Variants in PCDHA2 observed in about 807,000 individuals in gnomAD.
The protein encoded by PCDHA2 is protocadherin alpha-2.
A neutral mutation model predicts 66.0 loss-of-function variants in PCDHA2; 58 were observed. That is an observed-to-expected ratio of 0.88 (90% confidence interval 0.71 to 1.09). The LOEUF (loss-of-function observed/expected upper bound fraction) is 1.09, where lower values mean the gene tolerates loss of function less well. PCDHA2 is among the 50% of genes least tolerant of loss of function. PCDHA2 has a pLI of 0.00. For synonymous variants in PCDHA2, 634 were observed against 554.0 expected (o/e 1.14, Z -2.03); for missense variants, 1,267 against 1,242.3 (o/e 1.02, Z -0.30).
chr5:140,971,500 TAGG>T (rs2096483491), intron 1 of PCDHA2, among the ~76,000 whole-genome samples: 2 of 152,136 alleles, frequency 1.3e-5, no homozygotes, highest in Admixed American at 1.3e-4. Flanking sequence ...TGTGGCAAGA[TAGG>T]AGCAAAAGCC....
At position 140,794,934 on chromosome 5, in the gene PCDHA2, T is replaced by C; in HGVS notation, c.-31T>C. The C allele has an allele frequency of 1.3e-6, 2 of 1,581,890 alleles. No individual in the cohort carries two copies. Among genetic ancestry groups the C allele is most frequent in the Non-Finnish European group, 1.7e-6 (2 of 1,165,702 alleles). On this transcript the variant is annotated 5_prime_UTR_variant, in exon 1 of 4. Coordinates refer to ENST00000526136, the MANE Select transcript of PCDHA2 (RefSeq NM_018905.3). Reference sequence around the variant, plus strand: ...TTTAAATTTTTGCAAAACATGCTCTTCTAATTTGATCAAAACATTGAGGAT... The same window carrying C: ...TTTAAATTTTTGCAAAACATGCTCTCCTAATTTGATCAAAACATTGAGGAT...
At chr5:140,975,935 C>A (rs1351802479) in intron 1 of PCDHA2, among the ~76,000 whole-genome samples, 1 of 152,060 alleles carries the variant, frequency 6.6e-6, no homozygotes, top group Non-Finnish European at 1.5e-5. Flanking sequence ...ACCTTTGAAG[C>A]AATAGGACAT....
rs566979917 is a variant in PCDHA2, at chr5:140,802,220, G to T, written c.2388+4868G>T. Reference sequence around the variant, plus strand: ...ACTGCACAGTTCTACTCGAAATTGTGGACATCAATGATAATGTACCTGAGT... The same window carrying T: ...ACTGCACAGTTCTACTCGAAATTGTTGACATCAATGATAATGTACCTGAGT... On this transcript the variant is annotated intron_variant, in intron 1 of 3. Coordinates refer to ENST00000526136, the MANE Select transcript of PCDHA2 (RefSeq NM_018905.3). 6 of 1,614,176 alleles carry T rather than the reference G, an allele frequency of 3.7e-6. No homozygotes were observed. In the East Asian group the frequency reaches 1.1e-4, roughly 30 times the overall value.
intron 1 of PCDHA2, chr5:140,851,253 T>C: frequency 2.8e-6 from 3 of 1,086,078 alleles, no homozygotes; most frequent in Non-Finnish European, 2.3e-6. Context: ...TGATGCATAG[T>C]ATTTTAGTCT....
chr5:140,813,178 T>G (rs1330522821), intron 1 of PCDHA2: 1 of 152,218 alleles, frequency 6.6e-6, no homozygotes, highest in Non-Finnish European at 1.5e-5. Flanking sequence ...GTTGTTCAAG[T>G]CCTCTGCTTC....
At chr5:140,807,293 T>C (rs782145999) in intron 1 of PCDHA2, 2 of 1,614,084 alleles carry the variant, frequency 1.2e-6, no homozygotes, top group African/African-American at 2.7e-5. Flanking sequence ...CTACTCGGTC[T>C]CCGAGGAGGC....
At chr5:140,966,709 G>A (rs1447935100) in intron 1 of PCDHA2, 4 of 1,387,174 alleles carry the variant, frequency 2.9e-6, no homozygotes, top group Non-Finnish European at 2.8e-6. Flanking sequence ...CGTGGGGCAC[G>A]GCTGGGGAAG....
At chr5:140,861,033 G>A (rs1443263351) in intron 1 of PCDHA2, 1 of 152,266 alleles carries the variant, frequency 6.6e-6, no homozygotes, top group Non-Finnish European at 1.5e-5. Flanking sequence ...CCGGCCGAAA[G>A]GTATTTTTTT....
chr5:140,925,061 C>T (rs968376229), intron 1 of PCDHA2, among the ~76,000 whole-genome samples: 2 of 147,510 alleles, frequency 1.4e-5, no homozygotes, highest in Non-Finnish European at 3.0e-5. Context: ...GACTGGGCAA[C>T]AAAGCAACAC....
intron 1 of PCDHA2, chr5:140,824,610 G>GTTGTTTT (rs1768193318): frequency 1.1e-5 from 1 of 95,104 alleles, no homozygotes; most frequent in African/African-American, 4.9e-5. Flanking sequence ...GCTAATTAAA[G>GTTGTTTT]TTTTTTTTTT....
chr5:140,856,074 G>A, intron 1 of PCDHA2: 1 of 1,592,254 alleles, frequency 6.3e-7, no homozygotes, highest in Non-Finnish European at 8.6e-7. Context: ...AGCTGCCTGG[G>A]GGTCCAGTGT....
intron 1 of PCDHA2, among the ~76,000 whole-genome samples, chr5:140,944,370 A>G (rs1554216325): frequency 6.6e-6 from 1 of 151,966 alleles, no homozygotes; most frequent in Admixed American, 6.6e-5. Flanking sequence ...AATTTTTTAT[A>G]GAGATGGAGT....
At chr5:140,849,723 G>A (rs1554143223) in intron 1 of PCDHA2, 1 of 1,598,414 alleles carries the variant, frequency 6.3e-7, no homozygotes. Flanking sequence ...GTTGGTGCTG[G>A]ACAGAGCTCT....
chr5:140,967,340 C>G, intron 1 of PCDHA2: 1 of 1,607,862 alleles, frequency 6.2e-7, no homozygotes. Flanking sequence ...CCCCAGCGAG[C>G]ACTTCGAGCT....
intron 1 of PCDHA2, among the ~76,000 whole-genome samples, chr5:140,947,220 T>A (rs531697572): frequency 6.6e-6 from 1 of 151,686 alleles, no homozygotes; most frequent in East Asian, 1.9e-4. Flanking sequence ...ATCCTGTCAT[T>A]TATGACAGGA....
intron 1 of PCDHA2, among the ~76,000 whole-genome samples, chr5:140,896,285 G>T (rs1392495241): frequency 1.3e-5 from 2 of 152,202 alleles, no homozygotes; most frequent in African/African-American, 2.4e-5. Context: ...GGCTTGAATG[G>T]TAAGTTCTTT....
In PCDHA2 at chr5:140,796,825, C is replaced by G. The variant is rs782395206; in HGVS notation, c.1861C>G (p.Pro621Ala). 12 of 1,613,996 alleles carry G rather than the reference C, an allele frequency of 7.4e-6. No homozygotes were observed. Among genetic ancestry groups the G allele is most frequent in the Non-Finnish European group, 1.0e-5 (12 of 1,179,994 alleles). ...GCTGGGTACTGGCAGCGCTCGCATC[C>G]CGTTCCGCGTGGGGCTATACACGGG... The part of the protein sequence containing the change: ...LQLGTGSARI[P>A]FRVGLYTGEI... The change falls in exon 1 of 4, where the codon CCG becomes GCG. Residue 621 changes from proline (P) to alanine (A), a missense_variant. Coordinates refer to ENST00000526136, the MANE Select transcript of PCDHA2 (RefSeq NM_018905.3).
chr5:141,001,286 A>G (rs1375093882), intron 3 of PCDHA2, among the ~76,000 whole-genome samples: 1 of 152,160 alleles, frequency 6.6e-6, no homozygotes, highest in Non-Finnish European at 1.5e-5. Context: ...TACGGATGAA[A>G]ACTGAGGCCC....
At chr5:140,900,295 TTTA>T (rs1335445889) in intron 1 of PCDHA2, among the ~76,000 whole-genome samples, 3 of 152,152 alleles carry the variant, frequency 2.0e-5, no homozygotes, top group Non-Finnish European at 4.4e-5. Context: ...TTTCTGTTTT[TTTA>T]GACAGTCTCA....
Sources: allele counts gnomAD v4.1 joint callset (sites outside exome capture counted in the v4.1 genomes callset), GRCh38; gene constraint gnomAD v4.1.1; transcripts MANE v1.5; gene names NCBI Gene and HGNC (gene_info 2026-07-23, HGNC 2026-07-21).